Variants in CDK19 observed in about 807,000 individuals in gnomAD.
CDK19 encodes cyclin dependent kinase 19.
CDK19 carries 20 observed loss-of-function variants against 68.3 expected under a neutral mutation model. The observed-to-expected ratio is 0.29, with a 90% confidence interval of 0.21 to 0.43. The LOEUF is 0.43. Among genes scored for constraint, CDK19 ranks in the 20% least tolerant of loss-of-function variants. The pLI is 1.00. For missense variants in CDK19, 339 were observed against 623.5 expected (o/e 0.54, Z 4.86); for synonymous variants, 221 against 222.8 (o/e 0.99, Z 0.07).
In CDK19 at chr6:110,758,090, G is replaced by A. The variant is rs116143828; in HGVS notation, c.129-11889C>T. On this transcript the variant is annotated intron_variant, in intron 1 of 12. Coordinates refer to ENST00000368911, the MANE Select transcript of CDK19 (RefSeq NM_015076.5). ...ACCTGTGGTCCCAGCTACTCAGGAT[G>A]TTGAGGTTGGGGACCGCTTGAGCCC... Among the ~76,000 whole-genome samples the A allele has an allele frequency of 5.4e-3, 822 of 152,228 alleles. 5 individuals carry two copies. Among genetic ancestry groups the A allele is most frequent in the African/African-American group, 0.018 (742 of 41,544 alleles).
intron 1 of CDK19, among the ~76,000 whole-genome samples, chr6:110,794,547 G>A (rs868734803): frequency 1.3e-5 from 2 of 151,426 alleles, no homozygotes; most frequent in Non-Finnish European, 2.9e-5. Flanking sequence ...GACTACAGGC[G>A]CCCACCACCA....
At chr6:110,812,191 G>T (rs367918202) in intron 1 of CDK19, among the ~76,000 whole-genome samples, 68 of 151,928 alleles carry the variant, frequency 4.5e-4, no homozygotes, top group Middle Eastern at 3.4e-3. Context: ...CGGGATCTCG[G>T]CTCACTGCAA....
chr6:110,731,460 G>A (rs534190418), intron 2 of CDK19, among the ~76,000 whole-genome samples: 2 of 152,238 alleles, frequency 1.3e-5, no homozygotes, highest in African/African-American at 4.8e-5. Flanking sequence ...AATGGGAAAT[G>A]ACTACTACTG....
At chr6:110,770,308 T>C (rs561476215) in intron 1 of CDK19, among the ~76,000 whole-genome samples, 1 of 152,300 alleles carries the variant, frequency 6.6e-6, no homozygotes, top group Admixed American at 6.5e-5. Flanking sequence ...GAGGTTTAAT[T>C]GGACTTACAG....
intron 1 of CDK19, among the ~76,000 whole-genome samples, chr6:110,795,294 T>C (rs1781866153): frequency 6.6e-6 from 1 of 152,054 alleles, no homozygotes; most frequent in Admixed American, 6.6e-5. Flanking sequence ...TTTTAGTAAG[T>C]CAAAAATAAT....
chr6:110,657,470 TC>T (rs1370720901), intron 4 of CDK19, among the ~76,000 whole-genome samples: 4 of 152,204 alleles, frequency 2.6e-5, no homozygotes, highest in African/African-American at 9.6e-5. Context: ...TATATATTTA[TC>T]AAAACTCATC....
Position 110,765,682 on chromosome 6 carries a change from A to C in CDK19, c.129-19481T>G, listed in dbSNP as rs557647153. Among the ~76,000 whole-genome samples the C allele has an allele frequency of 2.1e-4, 31 of 151,110 alleles. No individual in the cohort carries two copies. In the South Asian group the frequency reaches 5.8e-3, roughly 28 times the overall value. On this transcript the variant is annotated intron_variant, in intron 1 of 12. Coordinates refer to ENST00000368911, the MANE Select transcript of CDK19 (RefSeq NM_015076.5). ...GTGATACAGCAAGACTCCATCTCAA[A>C]AAAAAAAAAAAGACAAGGAGGGGAG... is the stretch of plus-strand genomic sequence containing the variant.
intron 2 of CDK19, among the ~76,000 whole-genome samples, chr6:110,714,055 A>C (rs1301647628): frequency 1.3e-5 from 2 of 152,198 alleles, no homozygotes; most frequent in Non-Finnish European, 2.9e-5. Flanking sequence ...TATCACCCCC[A>C]AAAAGAAACA....
chr6:110,803,989 A>G (rs1390601151), intron 1 of CDK19, among the ~76,000 whole-genome samples: 1 of 152,190 alleles, frequency 6.6e-6, no homozygotes, highest in Non-Finnish European at 1.5e-5. Context: ...GAAGAAAGAA[A>G]GAAATACAGA....
chr6:110,626,659 G>T, intron 8 of CDK19, 117 bp downstream of exon 8: 1 of 633,082 alleles, frequency 1.6e-6, no homozygotes, highest in Non-Finnish European at 2.7e-6. Context: ...CCTTGACCTT[G>T]GACTTTCCAG....
intron 8 of CDK19, 118 bp downstream of exon 8, chr6:110,626,658 T>C: frequency 3.2e-6 from 2 of 631,690 alleles, no homozygotes; most frequent in Non-Finnish European, 5.3e-6. Flanking sequence ...GCCTTGACCT[T>C]GGACTTTCCA....
At chr6:110,790,513 T>A (rs1781516530) in intron 1 of CDK19, among the ~76,000 whole-genome samples, 1 of 152,050 alleles carries the variant, frequency 6.6e-6, no homozygotes, top group Admixed American at 6.6e-5. Context: ...CTAGCCTGGG[T>A]GACAGAGCAA....
intron 5 of CDK19, among the ~76,000 whole-genome samples, chr6:110,633,533 C>T (rs1222487605): frequency 6.6e-6 from 1 of 152,036 alleles, no homozygotes; most frequent in Non-Finnish European, 1.5e-5. Flanking sequence ...ACACAGAACA[C>T]ATAAAAGATA....
intron 1 of CDK19, among the ~76,000 whole-genome samples, chr6:110,783,267 G>A (rs558891821): frequency 9.9e-5 from 15 of 152,280 alleles, no homozygotes; most frequent in Admixed American, 5.9e-4. Flanking sequence ...CAACTTTTCG[G>A]AGTGTAATAG....
chr6:110,632,278 C>A, intron 5 of CDK19, 117 bp from the exon 6 acceptor site: 3 of 715,434 alleles, frequency 4.2e-6, no homozygotes, highest in Non-Finnish European at 6.8e-6. Flanking sequence ...AGGTTGACAA[C>A]AATAGCTGCT....
intron 8 of CDK19, 30 bp from the exon 9 acceptor site, chr6:110,623,392 TG>T (rs1178939352): frequency 1.9e-6 from 3 of 1,601,728 alleles, no homozygotes; most frequent in Non-Finnish European, 2.6e-6. Flanking sequence ...CACACATCAC[TG>T]GGAACACTCA....
chr6:110,757,126 C>T (rs989621512), intron 1 of CDK19, among the ~76,000 whole-genome samples: 3 of 152,156 alleles, frequency 2.0e-5, no homozygotes, highest in Non-Finnish European at 2.9e-5. Flanking sequence ...AAACCACACA[C>T]GGGCAGAGAG....
chr6:110,658,114 C>G (rs566615876), intron 4 of CDK19, among the ~76,000 whole-genome samples: 1 of 152,300 alleles, frequency 6.6e-6, no homozygotes, highest in African/African-American at 2.4e-5. Flanking sequence ...AACATTGTGT[C>G]TGATCTTCAC....
chr6:110,659,705 G>A (rs1019519466), intron 4 of CDK19, among the ~76,000 whole-genome samples: 2 of 152,188 alleles, frequency 1.3e-5, no homozygotes, highest in African/African-American at 4.8e-5. Context: ...TAAATCTGTG[G>A]TTCGACAGCA....
Sources: allele counts gnomAD v4.1 joint callset (sites outside exome capture counted in the v4.1 genomes callset), GRCh38; gene constraint gnomAD v4.1.1; transcripts MANE v1.5; gene names NCBI Gene and HGNC (gene_info 2026-07-23, HGNC 2026-07-21).